The following CEP70 variants were observed in gnomAD, a reference collection of about 807,000 sequenced individuals.
CEP70 encodes the protein centrosomal protein of 70 kDa.
A neutral mutation model predicts 90.9 loss-of-function variants in CEP70; 70 were observed. The observed-to-expected ratio is 0.77, with a 90% CI of 0.64 to 0.94. The LOEUF (loss-of-function observed/expected upper bound fraction) is 0.94, where lower values mean the gene tolerates loss of function less well. Among genes scored for constraint, CEP70 ranks in the 40% least tolerant of loss-of-function variants. CEP70 has a pLI of 0.00. For synonymous variants in CEP70, 220 were observed against 228.3 expected (o/e 0.96, Z 0.33); for missense variants, 648 against 669.0 (o/e 0.97, Z 0.35).
intron 10 of CEP70, among the ~76,000 whole-genome samples, chr3:138,527,424 C>T (rs1408062278): frequency 6.6e-6 from 1 of 151,642 alleles, no homozygotes; most frequent in Non-Finnish European, 1.5e-5. Flanking sequence ...AGGCCGGGCA[C>T]GGTGGCTCAC....
chr3:138,582,046 C>G (rs1345986581), intron 2 of CEP70, among the ~76,000 whole-genome samples: 3 of 151,808 alleles, frequency 2.0e-5, no homozygotes, highest in Non-Finnish European at 4.4e-5. Flanking sequence ...TGTTCCCAGA[C>G]AAACAAAAGC....
At chr3:138,593,867 C>A (rs763485230) in intron 1 of CEP70, 1 of 152,200 alleles carries the variant, frequency 6.6e-6, no homozygotes, top group Non-Finnish European at 1.5e-5. Flanking sequence ...CGACGTGATT[C>A]TAAGCTTTAC....
chr3:138,546,908 T>C (rs1001957161), intron 6 of CEP70, among the ~76,000 whole-genome samples: 4 of 152,172 alleles, frequency 2.6e-5, no homozygotes, highest in Non-Finnish European at 5.9e-5. Context: ...TCTAAGCACA[T>C]GTTCATGTGC....
chr3:138,581,476 G>T (rs1664526740), intron 2 of CEP70, among the ~76,000 whole-genome samples: 1 of 151,662 alleles, frequency 6.6e-6, no homozygotes. Context: ...GGTGAAGGTG[G>T]GTGGATCACC....
At chr3:138,577,209 G>A (rs1023927807) in intron 2 of CEP70, among the ~76,000 whole-genome samples, 2 of 152,110 alleles carry the variant, frequency 1.3e-5, no homozygotes, top group South Asian at 2.1e-4. Flanking sequence ...GTGGGGGGAT[G>A]GGGGAGGGAT....
rs776477900 is a variant in CEP70, at chr3:138,532,481, C to A, written c.692+33G>T. The A allele has an allele frequency of 1.8e-5, 27 of 1,465,148 alleles. No homozygotes were observed. In the Middle Eastern group the frequency reaches 7.6e-4, roughly 41 times the overall value. 90.8% of individuals were successfully genotyped at this position (1,465,148 alleles called of 1,614,324 possible). A position where few individuals can be genotyped will look rare whatever the true frequency, so the allele number is the denominator to read the frequency against. On this transcript the variant is annotated intron_variant, in intron 8 of 17. Transcript: ENST00000264982. ...TTCTGGTGTGAATACTGGATTAAAA[C>A]CTTTAAAAACTGTAATACAGGATTA...
chr3:138,551,804 T>C (rs1349665346), intron 6 of CEP70, among the ~76,000 whole-genome samples: 9 of 148,916 alleles, frequency 6.0e-5, no homozygotes, highest in Admixed American at 6.0e-4. Flanking sequence ...AATAGCATGA[T>C]GAATGGAATA....
chr3:138,582,104 G>C (rs765434959), intron 2 of CEP70, among the ~76,000 whole-genome samples: 2 of 152,114 alleles, frequency 1.3e-5, no homozygotes, highest in Non-Finnish European at 2.9e-5. Context: ...AATGCTAAAG[G>C]GAGTTTTTTT....
chr3:138,553,903 T>G (rs1189748831), intron 6 of CEP70, among the ~76,000 whole-genome samples: 1 of 151,948 alleles, frequency 6.6e-6, no homozygotes, highest in African/African-American at 2.4e-5. Context: ...AAAAAGCATT[T>G]AACAAAATCC....
At chr3:138,530,667 T>C (rs1246531139) in intron 8 of CEP70, 1 of 985,316 alleles carries the variant, frequency 1.0e-6, no homozygotes, top group Non-Finnish European at 1.2e-6. Context: ...CTCTGCTTCC[T>C]GTTTATCCTA....
chr3:138,547,686 C>A (rs2039315406), intron 6 of CEP70, among the ~76,000 whole-genome samples: 1 of 152,066 alleles, frequency 6.6e-6, no homozygotes, highest in African/African-American at 2.4e-5. Context: ...ATAAGGGTTA[C>A]CTGAAAATAA....
intron 11 of CEP70, among the ~76,000 whole-genome samples, chr3:138,524,964 C>T (rs1234556496): frequency 3.3e-5 from 5 of 152,144 alleles, no homozygotes; most frequent in Admixed American, 6.5e-5. Flanking sequence ...CACATGCACA[C>T]GTATGTTTAT....
At chr3:138,569,642 C>G (rs778701864) in intron 6 of CEP70, among the ~76,000 whole-genome samples, 1 of 152,114 alleles carries the variant, frequency 6.6e-6, no homozygotes, top group African/African-American at 2.4e-5. Flanking sequence ...CCGAGGCAGG[C>G]GGATCACTTG....
At chr3:138,586,650 C>T (rs6439813) in intron 2 of CEP70, among the ~76,000 whole-genome samples, 3 of 151,906 alleles carry the variant, frequency 2.0e-5, no homozygotes, top group Non-Finnish European at 4.4e-5. Flanking sequence ...CATGGAGACA[C>T]AGAGTAGAAG....
chr3:138,503,079 A>G (rs1221605499), intron 13 of CEP70, among the ~76,000 whole-genome samples: 1 of 152,186 alleles, frequency 6.6e-6, no homozygotes, highest in Non-Finnish European at 1.5e-5. Context: ...ATGTAAGTTC[A>G]GTGTTAATAT....
chr3:138,505,556 T>G, intron 12 of CEP70, 91 bp from the exon 13 acceptor site: 1 of 687,620 alleles, frequency 1.5e-6, no homozygotes. Flanking sequence ...TCTATATATA[T>G]TATATACACA....
At chr3:138,532,404 ACATATTAGGTGGATTTC>A (rs1208277183) in intron 8 of CEP70, 93 bp downstream of exon 8, 2 of 894,486 alleles carry the variant, frequency 2.2e-6, no homozygotes, top group African/African-American at 3.5e-5. Flanking sequence ...CTTCACAGTG[ACATATTAGGTGGATTTC>A]CATAGTATAT....
chr3:138,579,662 G>T (rs922760937), intron 2 of CEP70, among the ~76,000 whole-genome samples: 1 of 151,728 alleles, frequency 6.6e-6, no homozygotes, highest in African/African-American at 2.4e-5. Flanking sequence ...GTCCTGGCAG[G>T]ATTTATCATC....
intron 5 of CEP70, 83 bp from the exon 6 acceptor site, chr3:138,570,581 C>A: frequency 1.9e-6 from 2 of 1,068,922 alleles, no homozygotes; most frequent in Non-Finnish European, 1.4e-6. Flanking sequence ...GAATGTATTG[C>A]CTTTCTAAAG....
Sources: gnomAD v4.1 joint callset for allele counts (sites outside exome capture counted in the v4.1 genomes callset) on GRCh38, gnomAD v4.1.1 for gene constraint, MANE v1.5 for transcripts, NCBI Gene and HGNC (gene_info 2026-07-23, HGNC 2026-07-21) for gene names.